Variants in TMEM232 observed in about 807,000 individuals in gnomAD.
TMEM232 encodes transmembrane protein 232.
A neutral mutation model predicts 78.8 loss-of-function variants in TMEM232; 80 were observed. The observed-to-expected ratio is 1.01, with a 90% confidence interval of 0.85 to 1.22. The LOEUF (loss-of-function observed/expected upper bound fraction) is 1.22, where lower values mean the gene tolerates loss of function less well. Among genes scored for constraint, TMEM232 ranks in the 50% most tolerant of loss-of-function variants. The pLI is 0.00. For missense variants in TMEM232, 881 were observed against 742.2 expected (o/e 1.19, Z -2.17); for synonymous variants, 297 against 254.3 (o/e 1.17, Z -1.60).
chr5:110,555,292 G>A (rs772584054), intron 11 of TMEM232, among the ~76,000 whole-genome samples: 21 of 152,040 alleles, frequency 1.4e-4, no homozygotes, highest in Non-Finnish European at 2.9e-4. Flanking sequence ...TTAGGAGCAG[G>A]TTGCTTAATT....
intron 4 of TMEM232, among the ~76,000 whole-genome samples, chr5:110,389,065 G>A (rs936161027): frequency 3.3e-5 from 5 of 151,926 alleles, no homozygotes; most frequent in South Asian, 2.1e-4. Flanking sequence ...GTTCAAGACC[G>A]GCCTGGCCAA....
intron 12 of TMEM232, among the ~76,000 whole-genome samples, chr5:110,520,393 GAAA>G (rs1181579708): frequency 6.6e-6 from 1 of 151,134 alleles, no homozygotes; most frequent in African/African-American, 2.4e-5. Flanking sequence ...TTAGAACACA[GAAA>G]AAAAAGAAAA....
intron 10 of TMEM232, among the ~76,000 whole-genome samples, chr5:110,601,901 C>T (rs1199346436): frequency 6.6e-6 from 1 of 152,132 alleles, no homozygotes; most frequent in African/African-American, 2.4e-5. Context: ...AACTATACTA[C>T]AAGGCTATAG....
chr5:110,622,794 A>G (rs1783919104), intron 7 of TMEM232, among the ~76,000 whole-genome samples: 2 of 149,062 alleles, frequency 1.3e-5, no homozygotes, highest in African/African-American at 2.5e-5. Flanking sequence ...TTGAACAATG[A>G]GAACACATGG....
chr5:110,649,797 CTTTT>C (rs1182892236), intron 2 of TMEM232, among the ~76,000 whole-genome samples: 3 of 151,948 alleles, frequency 2.0e-5, no homozygotes, highest in Non-Finnish European at 4.4e-5. Context: ...ACTTATTAAG[CTTTT>C]TTGTCTTTTT....
At chr5:110,440,605 A>G (rs1293235750) in intron 12 of TMEM232, among the ~76,000 whole-genome samples, 1 of 152,148 alleles carries the variant, frequency 6.6e-6, no homozygotes, top group African/African-American at 2.4e-5. Context: ...TTACTACTCA[A>G]TTTGAAGAAG....
intron 10 of TMEM232, among the ~76,000 whole-genome samples, chr5:110,593,887 A>T (rs1395642659): frequency 6.6e-6 from 1 of 152,092 alleles, no homozygotes; most frequent in African/African-American, 2.4e-5. Context: ...CCCTGATGTA[A>T]TTATTACACA....
chr5:110,552,449 G>A (rs555480767), intron 11 of TMEM232, among the ~76,000 whole-genome samples: 1 of 152,126 alleles, frequency 6.6e-6, no homozygotes, highest in Admixed American at 6.5e-5. Flanking sequence ...GGTGAAGATT[G>A]TCTTTCAACT....
intron 10 of TMEM232, among the ~76,000 whole-genome samples, chr5:110,597,106 C>T (rs927978784): frequency 6.6e-6 from 1 of 152,102 alleles, no homozygotes; most frequent in Non-Finnish European, 1.5e-5. Context: ...GATTGTATAT[C>T]TAGAAAACCC....
At chr5:110,479,804 T>A (rs1763668652) in intron 12 of TMEM232, among the ~76,000 whole-genome samples, 1 of 151,906 alleles carries the variant, frequency 6.6e-6, no homozygotes, top group South Asian at 2.1e-4. Flanking sequence ...AGTTCCATTC[T>A]ACATGTAGTC....
intron 10 of TMEM232, among the ~76,000 whole-genome samples, chr5:110,604,611 G>T (rs1158688446): frequency 1.3e-5 from 2 of 152,122 alleles, no homozygotes. Flanking sequence ...AATATAATTT[G>T]AATCATCAGT....
At chr5:110,687,503 C>T (rs1580666120) in intron 1 of TMEM232, among the ~76,000 whole-genome samples, 1 of 152,074 alleles carries the variant, frequency 6.6e-6, no homozygotes, top group South Asian at 2.1e-4. Context: ...GCCTTTCAGA[C>T]CCTTTAATTT....
intron 12 of TMEM232, among the ~76,000 whole-genome samples, chr5:110,526,593 A>T (rs774880608): frequency 1.8e-4 from 28 of 152,002 alleles, no homozygotes; most frequent in Non-Finnish European, 3.5e-4. Flanking sequence ...AGGCACTCAT[A>T]TATTACTGGT....
intron 12 of TMEM232, among the ~76,000 whole-genome samples, chr5:110,490,046 C>T (rs746923852): frequency 2.0e-5 from 3 of 151,548 alleles, no homozygotes; most frequent in Non-Finnish European, 4.4e-5. Flanking sequence ...ATTTCTTGAA[C>T]CCAGGAGGCA....
chr5:110,594,726 C>T (rs1779943812), intron 10 of TMEM232, among the ~76,000 whole-genome samples: 1 of 152,180 alleles, frequency 6.6e-6, no homozygotes, highest in Admixed American at 6.5e-5. Flanking sequence ...GGCCAGACTG[C>T]CTCTCTAGAT....
intron 13 of TMEM232, among the ~76,000 whole-genome samples, chr5:110,421,200 G>C (rs1429388805): frequency 1.3e-5 from 2 of 151,782 alleles, no homozygotes; most frequent in African/African-American, 4.8e-5. Flanking sequence ...TGAAATTAAT[G>C]GTCAGGTAAA....
At chr5:110,728,785 C>G (rs1434612365), upstream of TMEM232, among the ~76,000 whole-genome samples, 1 of 150,138 alleles carries the variant, frequency 6.7e-6, no homozygotes, top group Non-Finnish European at 1.5e-5. Context: ...ACCATCCTAA[C>G]CCCTTAGTAT....
intron 1 of TMEM232, among the ~76,000 whole-genome samples, chr5:110,681,062 A>C (rs1792689475): frequency 6.6e-6 from 1 of 152,014 alleles, no homozygotes; most frequent in South Asian, 2.1e-4. Flanking sequence ...TGCCAATACC[A>C]CTCTAGACGC....
intron 1 of TMEM232, among the ~76,000 whole-genome samples, chr5:110,696,591 C>T (rs1288268550): frequency 1.3e-5 from 2 of 152,140 alleles, no homozygotes; most frequent in African/African-American, 4.8e-5. Context: ...AGCTGATAAG[C>T]AACTTCAGCA....
Sources: allele counts gnomAD v4.1 joint callset (sites outside exome capture counted in the v4.1 genomes callset), GRCh38; gene constraint gnomAD v4.1.1; transcripts MANE v1.5; gene names NCBI Gene and HGNC (gene_info 2026-07-23, HGNC 2026-07-21).